LRP1B: variants seen among roughly 807,000 people sequenced by gnomAD.
The protein encoded by LRP1B is LDL receptor related protein 1B, also known as low-density lipoprotein receptor-related protein 1B.
In LRP1B, 217 loss-of-function variants were observed where a neutral mutation model predicts 556.6. The ratio of observed to expected loss-of-function variants is 0.39; its 90% CI spans 0.35 to 0.44. LRP1B has a LOEUF of 0.44. Among genes scored for constraint, LRP1B ranks in the 20% least tolerant of loss-of-function variants. The pLI is 1.00. For synonymous variants in LRP1B, 2,047 were observed against 1,865.8 expected (o/e 1.10, Z -2.50); for missense variants, 5,053 against 5,620.8 (o/e 0.90, Z 3.23).
chr2:140,410,061 T>C (rs979646221), intron 66 of LRP1B, among the ~76,000 whole-genome samples: 1 of 152,124 alleles, frequency 6.6e-6, no homozygotes, highest in Non-Finnish European at 1.5e-5. Context: ...ATCTCTCTAC[T>C]GAGTGTAATT....
chr2:140,390,304 A>AG (rs1558849167), intron 66 of LRP1B, among the ~76,000 whole-genome samples: 2 of 152,178 alleles, frequency 1.3e-5, no homozygotes, highest in Admixed American at 1.3e-4. Context: ...AAAAATAAGT[A>AG]ATGTACATAT....
chr2:141,813,290 T>C (rs913195015), intron 1 of LRP1B, among the ~76,000 whole-genome samples: 5 of 151,842 alleles, frequency 3.3e-5, no homozygotes, highest in African/African-American at 1.2e-4. Context: ...TTGAGAAAAA[T>C]AGAACAGAGA....
chr2:140,748,374 T>TTCATATATA, intron 35 of LRP1B, among the ~76,000 whole-genome samples: 1 of 78,796 alleles, frequency 1.3e-5, no homozygotes. Flanking sequence ...TTTATATATG[T>TTCATATATA]ATATATATTC....
chr2:141,088,217 C>A (rs527990609), intron 7 of LRP1B, among the ~76,000 whole-genome samples: 1 of 151,956 alleles, frequency 6.6e-6, no homozygotes, highest in Non-Finnish European at 1.5e-5. Flanking sequence ...TCTTATTGCA[C>A]GAAGTAATGA....
intron 43 of LRP1B, among the ~76,000 whole-genome samples, chr2:140,577,244 G>A (rs1681562005): frequency 6.6e-6 from 1 of 151,916 alleles, no homozygotes; most frequent in African/African-American, 2.4e-5. Context: ...CAGCACTTTG[G>A]GAGGCTGAGG....
intron 43 of LRP1B, among the ~76,000 whole-genome samples, chr2:140,565,887 T>C: frequency 6.6e-6 from 1 of 152,062 alleles, no homozygotes; most frequent in East Asian, 1.9e-4. Flanking sequence ...GTAGCTCCCA[T>C]TAACACCTTG....
chr2:140,239,339 C>T lies in LRP1B; in HGVS notation c.13415+103G>A, dbSNP rs141316519. ...GAAAAACATTGTATTTTACAGTTGG[C>T]ATAACTAAATCATGTTTAAAAAAAT... On this transcript the variant is annotated intron_variant, in intron 88 of 90. Transcript: ENST00000389484. 1.4e-3 allele frequency: 909 copies of T among 642,924 alleles called. 7 individuals carry two copies. In the African/African-American group the frequency reaches 0.015, roughly 10 times the overall value. The allele number at this position is 642,924 out of a possible 1,614,324, so 39.8% of individuals were successfully genotyped here.
At position 140,920,408 on chromosome 2, in the gene LRP1B, T is replaced by C. The variant is rs570875848; in HGVS notation, c.3319+2557A>G. 3.3e-5 allele frequency among the ~76,000 whole-genome samples: 5 copies of C among 152,218 alleles called. No homozygotes were observed. The South Asian group carries it at 1.0e-3, about 31-fold the overall frequency. Reference sequence around the variant, plus strand: ...TAAGAAAGCTATTCTAATTACCATATATAAATTAATTAGCCTGAAACTTTT... The same window carrying C: ...TAAGAAAGCTATTCTAATTACCATACATAAATTAATTAGCCTGAAACTTTT... On this transcript the variant is annotated intron_variant, in intron 21 of 90. Transcript: ENST00000389484.
Position 140,857,400 on chromosome 2 carries a change from T to A in LRP1B, c.4580-5617A>T, listed in dbSNP as rs1282963880. On this transcript the variant is annotated intron_variant, in intron 27 of 90. Transcript: ENST00000389484. Reference sequence around the variant, plus strand: ...TAGTAATTTTCCTTTAGGAAAGGACTTATTAGTTTTAAAGAAAGGAATTTT... The same window carrying A: ...TAGTAATTTTCCTTTAGGAAAGGACATATTAGTTTTAAAGAAAGGAATTTT... Among the ~76,000 whole-genome samples, 7 of 152,180 alleles carry A rather than the reference T, an allele frequency of 4.6e-5. No individual in the cohort carries two copies. The East Asian group carries it at 1.3e-3, about 29-fold the overall frequency.
chr2:141,762,971 GA>G (rs1694610711), intron 2 of LRP1B, among the ~76,000 whole-genome samples: 1 of 152,206 alleles, frequency 6.6e-6, no homozygotes, highest in African/African-American at 2.4e-5. Context: ...GACAATTAAT[GA>G]ACCAGCTACG....
intron 60 of LRP1B, among the ~76,000 whole-genome samples, chr2:140,462,910 C>T (rs1687381124): frequency 1.3e-5 from 2 of 152,030 alleles, no homozygotes; most frequent in African/African-American, 2.4e-5. Context: ...TTGAGAGACC[C>T]TGACACTAAT....
intron 1 of LRP1B, among the ~76,000 whole-genome samples, chr2:141,823,986 A>T (rs1696842942): frequency 6.6e-6 from 1 of 152,100 alleles, no homozygotes; most frequent in South Asian, 2.1e-4. Context: ...ACTAAATTTA[A>T]ATTTAAACTT....
At chr2:140,740,099 T>C (rs559808962) in intron 35 of LRP1B, among the ~76,000 whole-genome samples, 4 of 151,838 alleles carry the variant, frequency 2.6e-5, no homozygotes, top group African/African-American at 7.3e-5. Flanking sequence ...ACGACCACTA[T>C]GGAAAAAAGT....
chr2:141,414,974 A>G (rs1573919477), intron 3 of LRP1B, among the ~76,000 whole-genome samples: 1 of 152,126 alleles, frequency 6.6e-6, no homozygotes, highest in Non-Finnish European at 1.5e-5. Context: ...CCTTAGCTGA[A>G]CAGCCTCTCA....
At chr2:140,342,578 G>T (rs1325001555) in intron 77 of LRP1B, among the ~76,000 whole-genome samples, 1 of 151,572 alleles carries the variant, frequency 6.6e-6, no homozygotes, top group East Asian at 1.9e-4. Context: ...ATAGAGATAT[G>T]CTATAATGCT....
At chr2:141,129,962 G>A (rs1009276245) in intron 7 of LRP1B, among the ~76,000 whole-genome samples, 33 of 151,948 alleles carry the variant, frequency 2.2e-4, no homozygotes, top group African/African-American at 7.0e-4. Context: ...TGGACTAGAC[G>A]TAATAATTTT....
chr2:140,248,678 C>CT (rs1681275948), intron 86 of LRP1B, among the ~76,000 whole-genome samples: 2 of 151,034 alleles, frequency 1.3e-5, no homozygotes, highest in African/African-American at 4.8e-5. Flanking sequence ...TTTGTTTTTT[C>CT]TTTTTAATTT....
intron 11 of LRP1B, among the ~76,000 whole-genome samples, chr2:141,048,172 C>T (rs1698932926): frequency 6.6e-6 from 1 of 152,070 alleles, no homozygotes; most frequent in African/African-American, 2.4e-5. Flanking sequence ...TAATGTTCCT[C>T]AAATTATGTA....
chr2:140,771,250 G>A (rs1022092683), intron 33 of LRP1B, among the ~76,000 whole-genome samples: 5 of 151,934 alleles, frequency 3.3e-5, no homozygotes, highest in African/African-American at 1.2e-4. Context: ...AAAAGCAAAA[G>A]GAAATTGATT....
Sources: gnomAD v4.1 joint callset for allele counts (sites outside exome capture counted in the v4.1 genomes callset) on GRCh38, gnomAD v4.1.1 for gene constraint, MANE v1.5 for transcripts, NCBI Gene and HGNC (gene_info 2026-07-23, HGNC 2026-07-21) for gene names.